Variants in PPT1 observed in about 807,000 individuals in gnomAD.
PPT1 encodes ceroid-palmitoyl-palmitoyl-protein thioesterase 1.
A neutral mutation model predicts 44.0 loss-of-function variants in PPT1; 24 were observed. The ratio of observed to expected loss-of-function variants is 0.54; its 90% CI spans 0.39 to 0.77. The LOEUF (loss-of-function observed/expected upper bound fraction) is 0.77. PPT1 is among the 30% of genes least tolerant of loss of function. The probability of loss-of-function intolerance (pLI) is 0.00; values close to 1 mark genes in which losing one functional copy is unlikely to be tolerated. For synonymous variants in PPT1, 148 were observed against 140.2 expected (o/e 1.06, Z -0.39); for missense variants, 341 against 378.8 (o/e 0.90, Z 0.83).
chr1:40,093,564 C>G (rs962798047), intron 1 of PPT1, among the ~76,000 whole-genome samples: 2 of 152,120 alleles, frequency 1.3e-5, no homozygotes, highest in African/African-American at 4.8e-5. Flanking sequence ...TGCTTAGCTC[C>G]TGTTTATCAA....
intron 8 of PPT1, 152 bp downstream of exon 8, chr1:40,076,690 T>G (rs1642901173): frequency 6.6e-7 from 1 of 1,517,438 alleles, no homozygotes; most frequent in Admixed American, 2.2e-5. Context: ...CCTAACAAGC[T>G]TCACCCATAT....
intron 8 of PPT1, among the ~76,000 whole-genome samples, chr1:40,076,023 G>T (rs541227991): frequency 6.3e-4 from 95 of 150,034 alleles, no homozygotes; most frequent in Non-Finnish European, 1.0e-4. Flanking sequence ...CAGAACTGGA[G>T]GTGGCAAATT....
chr1:40,076,685 C>A, intron 8 of PPT1, 157 bp downstream of exon 8: 5 of 1,500,198 alleles, frequency 3.3e-6, no homozygotes, highest in Non-Finnish European at 4.4e-6. Context: ...AAGAGCCTAA[C>A]AAGCTTCACC....
chr1:40,091,300 G>C, intron 4 of PPT1, 29 bp downstream of exon 4: 1 of 1,599,432 alleles, frequency 6.3e-7, no homozygotes, highest in Non-Finnish European at 8.6e-7. Flanking sequence ...TTAGAATACA[G>C]AAAAAAGAAA....
At chr1:40,094,875 G>A (rs1224755562) in intron 1 of PPT1, among the ~76,000 whole-genome samples, 1 of 152,124 alleles carries the variant, frequency 6.6e-6, no homozygotes, top group Non-Finnish European at 1.5e-5. Flanking sequence ...GTAACTGACT[G>A]TGAGCTCTGG....
chr1:40,092,270 T>C lies in PPT1; in HGVS notation c.235-98A>G, dbSNP rs923869966. Reference sequence around the variant, plus strand: ...ACTCATTTAGGTTGGTATCCTCACATGAGCCACTCAAGGGTGAAAGTATCA... The same window carrying C: ...ACTCATTTAGGTTGGTATCCTCACACGAGCCACTCAAGGGTGAAAGTATCA... On this transcript the variant is annotated intron_variant, in intron 2 of 8. Coordinates refer to ENST00000642050, the MANE Select transcript of PPT1 (RefSeq NM_000310.4). The C allele has an allele frequency of 1.9e-5, 29 of 1,564,950 alleles. No homozygotes were observed. In the African/African-American group the frequency reaches 2.8e-4, roughly 15 times the overall value.
At chr1:40,095,448 C>G (rs1366403900) in intron 1 of PPT1, among the ~76,000 whole-genome samples, 1 of 151,844 alleles carries the variant, frequency 6.6e-6, no homozygotes, top group Non-Finnish European at 1.5e-5. Flanking sequence ...AGACTCCACA[C>G]TCCAAATGCC....
rs941109019 is a variant in PPT1, at chr1:40,074,262, T to G, written c.799-79A>C. On this transcript the variant is annotated intron_variant, in intron 8 of 8. Transcript: ENST00000642050. ...AAATGGTAAGTACGTTAACTTGAGA[T>G]ATATTTTCAAAATGCAGTTTGTCCT... 5.7e-6 allele frequency: 9 copies of G among 1,566,218 alleles called. No individual in the cohort carries two copies. The Admixed American group carries it at 1.5e-4, about 26-fold the overall frequency.
intron 1 of PPT1, chr1:40,093,793 A>C: frequency 2.1e-6 from 1 of 484,038 alleles, no homozygotes. Context: ...CTGAGGCAGG[A>C]GAATCGCTTG....
At chr1:40,082,362 G>A (rs1175040346) in intron 5 of PPT1, 1 of 151,786 alleles carries the variant, frequency 6.6e-6, no homozygotes, top group African/African-American at 2.4e-5. Flanking sequence ...ATTCTAGAAT[G>A]TGTTTATACA....
At chr1:40,095,461 TACA>T (rs147986397) in intron 1 of PPT1, among the ~76,000 whole-genome samples, 3,334 of 152,278 alleles carry the variant, frequency 0.022, 116 homozygotes, top group African/African-American at 0.076. Context: ...CAAATGCCTC[TACA>T]ACATCTCCTG....
intron 6 of PPT1, 183 bp from the exon 7 acceptor site, chr1:40,078,841 A>T (rs1246457177): frequency 2.7e-5 from 17 of 623,280 alleles, no homozygotes; most frequent in Non-Finnish European, 3.9e-5. Flanking sequence ...CTTTTTTTCT[A>T]AAAAACAAAA....
chr1:40,089,719 T>C, intron 4 of PPT1: 2 of 644,872 alleles, frequency 3.1e-6, no homozygotes, highest in South Asian at 1.6e-5. Flanking sequence ...AGGATCTTTT[T>C]ACCTGCTCAT....
intron 5 of PPT1, among the ~76,000 whole-genome samples, chr1:40,087,813 A>C (rs1649344707): frequency 1.3e-5 from 2 of 152,058 alleles, no homozygotes; most frequent in Admixed American, 1.3e-4. Context: ...GCAAAGGGGA[A>C]AGCTTGGTGT....
rs1425351370 is a variant in PPT1, at chr1:40,085,022, A to G, written c.536+4388T>C. Among the ~76,000 whole-genome samples, 10 of 151,938 alleles carry G rather than the reference A, an allele frequency of 6.6e-5. No homozygotes were observed. In the East Asian group the frequency reaches 1.7e-3, roughly 27 times the overall value. ...AAGGGAGTCTCCCTTTCCCCGGGGG[A>G]GTTTAGAGAAGCCTCTACTCCTCCA... On this transcript the variant is annotated intron_variant, in intron 5 of 8. Coordinates refer to ENST00000642050, the MANE Select transcript of PPT1 (RefSeq NM_000310.4).
rs1057515517 is a variant in PPT1, at chr1:40,073,280, T to A, written c.*781A>T. 4 of 152,280 alleles carry A rather than the reference T, an allele frequency of 2.6e-5. No homozygotes were observed. The highest frequency in any genetic ancestry group is 4.4e-5 in the Non-Finnish European group (3 of 68,094). 9.4% of individuals were successfully genotyped at this position (152,280 alleles called of 1,614,324 possible). A position where few individuals can be genotyped will look rare whatever the true frequency, so the allele number is the denominator to read the frequency against. ...TCTAGCATCAAGACCACTAGTCATA[T>A]TAAGAAAGGGCAGGTTGGTCGAGAA... On this transcript the variant is annotated 3_prime_UTR_variant, in exon 9 of 9. Coordinates refer to ENST00000642050, the MANE Select transcript of PPT1 (RefSeq NM_000310.4).
At chr1:40,076,756 G>T in intron 8 of PPT1, 86 bp downstream of exon 8, 1 of 1,607,650 alleles carries the variant, frequency 6.2e-7, no homozygotes, top group South Asian at 1.1e-5. Flanking sequence ...TAAAGGAAAG[G>T]GCTCCAGCAC....
intron 1 of PPT1, among the ~76,000 whole-genome samples, chr1:40,092,957 A>T (rs972323711): frequency 6.6e-6 from 1 of 152,218 alleles, no homozygotes; most frequent in East Asian, 1.9e-4. Context: ...TGTGAAAAAC[A>T]GTTTGGTGGT....
In PPT1 at chr1:40,089,417, G is replaced by C. The variant is rs386833650; in HGVS notation, c.529C>G (p.Gln177Glu). 71 of 1,613,584 alleles carry C rather than the reference G, an allele frequency of 4.4e-5. No homozygotes were observed. Among genetic ancestry groups the C allele is most frequent in the Non-Finnish European group, 5.8e-5 (69 of 1,179,698 alleles). The stretch of plus-strand genomic sequence containing the variant: ...TCAGCTAACCATACATACCGTTCCT[G>C]AACAACTTTGGAGTACGCCCCAGCA... ...LNAGAYSKVVQERLVQAEYWH... is the reference protein window; with the variant it reads ...LNAGAYSKVVEERLVQAEYWH... The change falls in exon 5 of 9, where the codon CAG (glutamine) becomes GAG (glutamate). Residue 177 changes from glutamine (Q) to glutamate (E), a missense_variant. Physicochemically the swap from Gln to Glu is conservative, Grantham distance 29 (BLOSUM62 2). Transcript: ENST00000642050.
Sources: gnomAD v4.1 joint callset for allele counts (sites outside exome capture counted in the v4.1 genomes callset) on GRCh38, gnomAD v4.1.1 for gene constraint, MANE v1.5 for transcripts, NCBI Gene and HGNC (gene_info 2026-07-23, HGNC 2026-07-21) for gene names.